The following MYO9B variants were observed in gnomAD, a reference collection of about 807,000 sequenced individuals.
The protein encoded by MYO9B is myosin IXB.
MYO9B carries 71 observed loss-of-function variants against 229.5 expected under a neutral mutation model. The ratio of observed to expected loss-of-function variants is 0.31; its 90% CI spans 0.26 to 0.38. MYO9B has a LOEUF of 0.38. Among genes scored for constraint, MYO9B ranks in the 10% least tolerant of loss-of-function variants. The pLI is 1.00. For missense variants in MYO9B, 2,255 were observed against 2,920.5 expected (o/e 0.77, Z 5.25); for synonymous variants, 1,185 against 1,235.8 (o/e 0.96, Z 0.86).
rs767106410 is a variant in MYO9B at position 17,202,205 on chromosome 19, C to T, written c.4738C>T (p.Arg1580Cys). ...CGTCGTCAGCAACCTGGCCACTGAG[C>T]GTGGCCAGAAGGACACCAACCTGGT... Reference protein sequence around the residue: ...QIVVSNLATERGQKDTNLVLN... With the variant: ...QIVVSNLATECGQKDTNLVLN... The change falls in exon 28 of 40, where the codon CGT (arginine) becomes TGT (cysteine). Residue 1580 changes from arginine (R) to cysteine (C), a missense_variant. Arg to Cys is a radical substitution (Grantham distance 180). Transcript: ENST00000682292. The T allele has an allele frequency of 7.4e-6, 12 of 1,612,720 alleles. No individual in the cohort carries two copies. The highest frequency in any genetic ancestry group is 1.7e-5 in the Admixed American group (1 of 59,820).
intron 1 of MYO9B, among the ~76,000 whole-genome samples, chr19:17,076,100 T>TC (rs1555798696): frequency 7.4e-6 from 1 of 134,850 alleles, no homozygotes; most frequent in Admixed American, 7.2e-5. Flanking sequence ...TTCGAGGGCG[T>TC]GGGGGGGGTG....
At chr19:17,155,751 GC>G (rs1262890740) in intron 6 of MYO9B, among the ~76,000 whole-genome samples, 1 of 151,888 alleles carries the variant, frequency 6.6e-6, no homozygotes, top group African/African-American at 2.4e-5. Flanking sequence ...GGGCGCAGTG[GC>G]TCACGCCTGT....
rs190470539 is a variant in MYO9B, at chr19:17,148,369, A to T, written c.935+2878A>T. 1.1e-4 allele frequency among the ~76,000 whole-genome samples: 17 copies of T among 152,290 alleles called. No individual in the cohort carries two copies. The East Asian group carries it at 1.4e-3, about 12-fold the overall frequency. On this transcript the variant is annotated intron_variant, in intron 3 of 39. Transcript: ENST00000682292. ...CTAGGAGGGACTGCCATAACAGTGT[A>T]CGACAAACCGTATGGCTGAAGCAAC...
intron 1 of MYO9B, among the ~76,000 whole-genome samples, chr19:17,096,187 A>G (rs749919309): frequency 1.3e-5 from 2 of 152,148 alleles, no homozygotes; most frequent in African/African-American, 2.4e-5. Context: ...ACCATATTCC[A>G]TGGTGTGGTC....
chr19:17,093,659 C>A (rs1223295947), intron 1 of MYO9B, among the ~76,000 whole-genome samples: 1 of 138,552 alleles, frequency 7.2e-6, no homozygotes, highest in Non-Finnish European at 1.5e-5. Flanking sequence ...CTTTTAAATC[C>A]ATGTAATTTT....
chr19:17,115,827 C>A (rs907560093), intron 2 of MYO9B, among the ~76,000 whole-genome samples: 1 of 151,822 alleles, frequency 6.6e-6, no homozygotes, highest in Non-Finnish European at 1.5e-5. Context: ...ATGAAAGCAG[C>A]TTTCCATCCT....
chr19:17,196,978 G>A (rs2073049952), intron 22 of MYO9B, among the ~76,000 whole-genome samples: 3 of 151,916 alleles, frequency 2.0e-5, no homozygotes, highest in Admixed American at 1.3e-4. Flanking sequence ...GGGACGGATG[G>A]GTAGAAGATA....
intron 2 of MYO9B, among the ~76,000 whole-genome samples, chr19:17,121,280 T>C (rs986349501): frequency 1.3e-5 from 2 of 152,024 alleles, no homozygotes; most frequent in African/African-American, 4.8e-5. Context: ...GTACTTGGAT[T>C]GTCAACTTTT....
At chr19:17,129,440 G>A (rs2072167120) in intron 2 of MYO9B, among the ~76,000 whole-genome samples, 1 of 152,100 alleles carries the variant, frequency 6.6e-6, no homozygotes, top group Admixed American at 6.6e-5. Context: ...CAGCATCAAG[G>A]CTCCGGGAAG....
intron 37 of MYO9B, 161 bp from the exon 38 acceptor site, chr19:17,210,554 G>A (rs2073215452): frequency 2.4e-6 from 3 of 1,232,964 alleles, no homozygotes; most frequent in Admixed American, 2.9e-5. Flanking sequence ...CGACTAATCG[G>A]CCACATGACC....
At chr19:17,161,286 G>A (rs777365479) in intron 8 of MYO9B, among the ~76,000 whole-genome samples, 13 of 152,106 alleles carry the variant, frequency 8.5e-5, no homozygotes, top group Admixed American at 2.0e-4. Flanking sequence ...AGGCTTCAGC[G>A]GCCGTTCCAG....
At position 17,184,713 on chromosome 19, in the gene MYO9B, A is replaced by G. The variant is rs1052795252; in HGVS notation, c.2374-152A>G. On this transcript the variant is annotated intron_variant, in intron 16 of 39. Transcript: ENST00000682292. ...ACCTCATTCCACTGGGCCCACATCA[A>G]TAGTGTGGTCCTGAGACCAAACCTA... is the stretch of plus-strand genomic sequence containing the variant. The G allele has an allele frequency of 2.0e-5, 19 of 936,228 alleles. No homozygotes were observed. The African/African-American group carries it at 2.7e-4, about 13-fold the overall frequency. 58.0% of individuals were successfully genotyped at this position (936,228 alleles called of 1,614,324 possible). A position where few individuals can be genotyped will look rare whatever the true frequency, so the allele number is the denominator to read the frequency against.
chr19:17,123,405 GC>G (rs1300702342), intron 2 of MYO9B, among the ~76,000 whole-genome samples: 1 of 149,324 alleles, frequency 6.7e-6, no homozygotes, highest in Non-Finnish European at 1.5e-5. Flanking sequence ...CATAGCCACT[GC>G]CTTTATACAG....
intron 3 of MYO9B, among the ~76,000 whole-genome samples, chr19:17,148,617 CCT>C (rs1255225628): frequency 6.6e-6 from 1 of 152,074 alleles, no homozygotes; most frequent in Non-Finnish European, 1.5e-5. Context: ...GGAATCTCAC[CCT>C]GTCGCCCAGG....
intron 33 of MYO9B, 136 bp from the exon 34 acceptor site, chr19:17,206,543 C>T (rs533076641): frequency 1.6e-5 from 20 of 1,288,444 alleles, no homozygotes; most frequent in Non-Finnish European, 2.1e-5. Flanking sequence ...GGGGCCAGGA[C>T]ACCTCTGTAG....
chr19:17,165,680 C>G (rs889033749), intron 10 of MYO9B, among the ~76,000 whole-genome samples: 10 of 152,090 alleles, frequency 6.6e-5, no homozygotes, highest in Non-Finnish European at 1.3e-4. Context: ...GAGGTTGAGG[C>G]AGGTGGATCA....
At chr19:17,188,594 TGAATAGAAA>T (rs2072946020) in intron 19 of MYO9B, among the ~76,000 whole-genome samples, 1 of 152,104 alleles carries the variant, frequency 6.6e-6, no homozygotes, top group African/African-American at 2.4e-5. Flanking sequence ...TCTCATCCAC[TGAATAGAAA>T]TAGTGTCTTT....
At chr19:17,143,990 A>G (rs1161807206) in intron 2 of MYO9B, among the ~76,000 whole-genome samples, 2 of 152,148 alleles carry the variant, frequency 1.3e-5, no homozygotes, top group Non-Finnish European at 1.5e-5. Context: ...TGACAAAATA[A>G]TCTGTACAGC....
chr19:17,202,065 T>G lies in MYO9B; in HGVS notation c.4662+41T>G, dbSNP rs1293357959. The G allele has an allele frequency of 3.1e-6, 5 of 1,610,994 alleles. No homozygotes were observed. The Admixed American group carries it at 8.4e-5, about 27-fold the overall frequency. ...GCCTTCAGCCTTTCCCATACCCTGCTCAGACCCGTCATTCCCATCCGCCCC... is the reference window on the plus strand; with the variant it reads ...GCCTTCAGCCTTTCCCATACCCTGCGCAGACCCGTCATTCCCATCCGCCCC... On this transcript the variant is annotated intron_variant, in intron 27 of 39. Transcript: ENST00000682292.
Sources: gnomAD v4.1 joint callset for allele counts (sites outside exome capture counted in the v4.1 genomes callset) on GRCh38, gnomAD v4.1.1 for gene constraint, MANE v1.5 for transcripts, NCBI Gene and HGNC (gene_info 2026-07-23, HGNC 2026-07-21) for gene names.